NEK7: variants seen among roughly 807,000 people sequenced by gnomAD.
The protein encoded by NEK7 is NIMA related kinase 7.
A neutral mutation model predicts 44.6 loss-of-function variants in NEK7; 18 were observed. That is an observed-to-expected ratio of 0.40 (90% confidence interval 0.28 to 0.60). NEK7 has a LOEUF of 0.60. Ranked by LOEUF, NEK7 falls within the 20% of genes least tolerant of loss-of-function variation. The pLI, the probability that NEK7 is intolerant of heterozygous loss-of-function variation, is 0.38. For missense variants in NEK7, 256 were observed against 366.5 expected (o/e 0.70, Z 2.46); for synonymous variants, 130 against 121.1 (o/e 1.07, Z -0.48).
Position 198,194,176 on chromosome 1 carries a change from C to T in NEK7, c.-29+36900C>T, listed in dbSNP as rs564476546. Among the ~76,000 whole-genome samples the T allele has an allele frequency of 3.4e-4, 51 of 152,058 alleles. 2 individuals are homozygous for T. In the South Asian group the frequency reaches 9.4e-3, roughly 28 times the overall value. On this transcript the variant is annotated intron_variant, in intron 1 of 9. Transcript: ENST00000367385. ...ATTTTTATGAACTTTATTGGAAATCCGGATGGAGATGTTTAGGAGAGAGGT... is the reference window on the plus strand; with the variant it reads ...ATTTTTATGAACTTTATTGGAAATCTGGATGGAGATGTTTAGGAGAGAGGT...
At position 198,262,616 on chromosome 1, in the gene NEK7, C is replaced by A; in HGVS notation, c.240C>A (p.Ile80=). The change falls in exon 4 of 10, where the codon ATC becomes ATA. Residue 80 remains isoleucine, a synonymous_variant. Transcript: ENST00000367385. ...ATGCCAAAGCACGTGCTGATTGCAT[C>A]AAAGAAATAGATCTTCTTAAGGTAA... ...LMDAKARADC[I]KEIDLLKQLN... The A allele has an allele frequency of 6.3e-7, 1 of 1,593,348 alleles. No homozygotes were observed. The highest frequency in any genetic ancestry group is 1.1e-5 in the South Asian group (1 of 89,608).
chr1:198,202,416 T>C (rs1665458849), intron 1 of NEK7, among the ~76,000 whole-genome samples: 1 of 152,190 alleles, frequency 6.6e-6, no homozygotes. Flanking sequence ...TATTTTTGGA[T>C]GGAAGCAAAT....
At chr1:198,270,681 G>A (rs12123239) in intron 5 of NEK7, among the ~76,000 whole-genome samples, 67,317 of 151,832 alleles carry the variant, frequency 0.44, 19,523 homozygotes, top group Non-Finnish European at 0.65. Context: ...TTTGCTAGGA[G>A]CCTTAAAACT....
chr1:198,312,674 T>G (rs1655226708), intron 9 of NEK7, among the ~76,000 whole-genome samples: 1 of 151,924 alleles, frequency 6.6e-6, no homozygotes, highest in African/African-American at 2.4e-5. Context: ...ACATCTTTAT[T>G]TCTGCCTTCA....
intron 9 of NEK7, among the ~76,000 whole-genome samples, chr1:198,309,657 T>C (rs1467893557): frequency 2.0e-5 from 3 of 148,904 alleles, no homozygotes; most frequent in Non-Finnish European, 4.5e-5. Flanking sequence ...TGTGTTCTCA[T>C]TGTTCAATTC....
At chr1:198,185,558 A>G (rs965306612) in intron 1 of NEK7, among the ~76,000 whole-genome samples, 3 of 152,146 alleles carry the variant, frequency 2.0e-5, no homozygotes, top group South Asian at 4.1e-4. Flanking sequence ...TATTTTAAAA[A>G]TTAGAAATTT....
intron 7 of NEK7, among the ~76,000 whole-genome samples, chr1:198,291,625 C>A (rs1458364534): frequency 1.3e-5 from 2 of 151,742 alleles, no homozygotes; most frequent in African/African-American, 4.8e-5. Context: ...AGTTTCTTAT[C>A]CTTCTGTTTG....
intron 5 of NEK7, among the ~76,000 whole-genome samples, chr1:198,267,112 G>A (rs903625122): frequency 6.6e-6 from 1 of 152,000 alleles, no homozygotes; most frequent in Non-Finnish European, 1.5e-5. Flanking sequence ...TCCTTTCTCT[G>A]CCTGTATTCT....
intron 1 of NEK7, among the ~76,000 whole-genome samples, chr1:198,164,570 C>T (rs951375858): frequency 1.3e-5 from 2 of 152,198 alleles, no homozygotes; most frequent in African/African-American, 4.8e-5. Flanking sequence ...TTACACTATA[C>T]TGTAGTCTAT....
intron 7 of NEK7, among the ~76,000 whole-genome samples, chr1:198,282,089 T>C (rs150812690): frequency 6.3e-4 from 96 of 152,238 alleles, no homozygotes; most frequent in African/African-American, 2.3e-3. Flanking sequence ...TCCTCCCTGC[T>C]ACCACCACAT....
At chr1:198,231,719 G>A (rs991430584) in intron 1 of NEK7, among the ~76,000 whole-genome samples, 1 of 152,022 alleles carries the variant, frequency 6.6e-6, no homozygotes, top group African/African-American at 2.4e-5. Context: ...ACAGGGTAGA[G>A]GAAGAAATTT....
intron 2 of NEK7, among the ~76,000 whole-genome samples, chr1:198,252,053 C>A (rs1653024274): frequency 6.6e-6 from 1 of 151,708 alleles, no homozygotes; most frequent in Admixed American, 6.6e-5. Flanking sequence ...TGAATGTGTC[C>A]CAGAGATTCT....
At chr1:198,256,298 A>G in intron 3 of NEK7, 1 of 1,552,808 alleles carries the variant, frequency 6.4e-7, no homozygotes, top group Non-Finnish European at 8.7e-7. Flanking sequence ...TTAACAAAGG[A>G]TGTGTTCAGC....
intron 9 of NEK7, among the ~76,000 whole-genome samples, chr1:198,312,820 C>A (rs1199872844): frequency 1.3e-5 from 2 of 151,854 alleles, no homozygotes; most frequent in East Asian, 3.9e-4. Flanking sequence ...GTTATAATTT[C>A]TGTTCTTTTA....
intron 1 of NEK7, chr1:198,208,478 G>A (rs1665661415): frequency 6.6e-6 from 1 of 152,136 alleles, no homozygotes; most frequent in African/African-American, 2.4e-5. Context: ...CCAAGCTCAT[G>A]CAGTACTCCC....
chr1:198,313,227 T>C (rs1226725033), intron 9 of NEK7, among the ~76,000 whole-genome samples: 1 of 152,204 alleles, frequency 6.6e-6, no homozygotes, highest in African/African-American at 2.4e-5. Context: ...CTTTGTTGGT[T>C]TAAAGTCTGT....
At chr1:198,182,439 G>A (rs1223755750) in intron 1 of NEK7, among the ~76,000 whole-genome samples, 1 of 152,118 alleles carries the variant, frequency 6.6e-6, no homozygotes, top group Non-Finnish European at 1.5e-5. Flanking sequence ...GTGTGCGCAT[G>A]TGAGAGAGAG....
intron 1 of NEK7, among the ~76,000 whole-genome samples, chr1:198,197,271 T>G (rs1665267570): frequency 6.6e-6 from 1 of 152,168 alleles, no homozygotes; most frequent in Non-Finnish European, 1.5e-5. Context: ...AAAGAATAGT[T>G]TTTGACTGGT....
At chr1:198,293,167 G>C (rs560274481) in intron 8 of NEK7, 128 bp downstream of exon 8, 28 of 563,370 alleles carry the variant, frequency 5.0e-5, no homozygotes, top group South Asian at 4.2e-4. Context: ...AAGAATTTTC[G>C]TTGGGTTAAT....
Sources: gnomAD v4.1 joint callset for allele counts (sites outside exome capture counted in the v4.1 genomes callset) on GRCh38, gnomAD v4.1.1 for gene constraint, MANE v1.5 for transcripts, NCBI Gene and HGNC (gene_info 2026-07-23, HGNC 2026-07-21) for gene names.